The following VPS13C variants were observed in gnomAD, a reference collection of about 807,000 sequenced individuals.
VPS13C encodes intermembrane lipid transfer protein VPS13C.
A neutral mutation model predicts 456.8 loss-of-function variants in VPS13C; 358 were observed. The ratio of observed to expected loss-of-function variants is 0.78; its 90% CI spans 0.72 to 0.86. The LOEUF (loss-of-function observed/expected upper bound fraction) is 0.86, where lower values mean the gene tolerates loss of function less well. Among genes scored for constraint, VPS13C ranks in the 40% least tolerant of loss-of-function variants. VPS13C has a pLI of 0.00. For missense variants in VPS13C, 4,818 were observed against 4,385.4 expected (o/e 1.10, Z -2.79); for synonymous variants, 1,578 against 1,486.7 (o/e 1.06, Z -1.41).
At chr15:61,875,909 T>G (rs1895388494) in intron 75 of VPS13C, 64 bp from the exon 76 acceptor site, 1 of 1,131,274 alleles carries the variant, frequency 8.8e-7, no homozygotes, top group Non-Finnish European at 1.2e-6. Flanking sequence ...CATAATGAAA[T>G]AGAAAAAAAG....
chr15:61,993,022 T>C (rs911346740), intron 16 of VPS13C, among the ~76,000 whole-genome samples: 20 of 152,114 alleles, frequency 1.3e-4, no homozygotes, highest in Admixed American at 6.6e-5. Context: ...AAAACCGAGC[T>C]TTTTTGGAAA....
At chr15:61,882,405 A>C (rs1484369677) in intron 69 of VPS13C, among the ~76,000 whole-genome samples, 191 bp downstream of exon 69, 1 of 152,168 alleles carries the variant, frequency 6.6e-6, no homozygotes, top group Admixed American at 6.6e-5. Context: ...ATCGATCAAA[A>C]TTAGTCTTAA....
chr15:62,052,212 T>C (rs2048644460), intron 1 of VPS13C, among the ~76,000 whole-genome samples: 1 of 152,246 alleles, frequency 6.6e-6, no homozygotes, highest in South Asian at 2.1e-4. Flanking sequence ...GCTTTGTATT[T>C]ATTTTTTAAG....
At chr15:62,028,200 A>G (rs1331067457) in intron 6 of VPS13C, among the ~76,000 whole-genome samples, 158 bp downstream of exon 6, 2 of 152,096 alleles carry the variant, frequency 1.3e-5, no homozygotes, top group Non-Finnish European at 2.9e-5. Flanking sequence ...AAACGACTAC[A>G]GGTAAGGAAA....
At position 61,917,639 on chromosome 15, in the gene VPS13C, C is replaced by A. The variant is rs1473832984; in HGVS notation, c.7761-4G>T. On this transcript the variant is annotated splice_region_variant and splice_polypyrimidine_tract_variant and intron_variant, in intron 59 of 84. Coordinates refer to ENST00000644861, the MANE Select transcript of VPS13C (RefSeq NM_020821.3). ...TGGCTGGATAAACAATTGACATCTG[C>A]AGAAAGAGGAAACAGTGACAATAAA... 1 of 1,605,890 alleles carries A rather than the reference C, an allele frequency of 6.2e-7. No homozygotes were observed. Among genetic ancestry groups the A allele is most frequent in the African/African-American group, 1.3e-5 (1 of 74,628 alleles).
intron 3 of VPS13C, among the ~76,000 whole-genome samples, chr15:62,036,559 C>G (rs2048006480): frequency 6.6e-6 from 1 of 152,018 alleles, no homozygotes; most frequent in Admixed American, 6.6e-5. Context: ...TGGGTCATTT[C>G]TAAGTCCAGT....
chr15:61,871,373 G>T (rs1319599436), intron 79 of VPS13C, among the ~76,000 whole-genome samples: 3 of 152,044 alleles, frequency 2.0e-5, no homozygotes, highest in African/African-American at 7.2e-5. Context: ...GAATTATCTT[G>T]ACATCCTTGT....
In VPS13C at chr15:61,960,524, T is replaced by C. The variant is rs573620203; in HGVS notation, c.3909-929A>G. ...ATATTAAATTTCTAGAATTATATCA[T>C]AGTTAATATAAGAGAATGAATGTCC... On this transcript the variant is annotated intron_variant, in intron 35 of 84. Coordinates refer to ENST00000644861, the MANE Select transcript of VPS13C (RefSeq NM_020821.3). Among the ~76,000 whole-genome samples the C allele has an allele frequency of 2.6e-5, 4 of 152,288 alleles. No homozygotes were observed. In the South Asian group the frequency reaches 6.2e-4, roughly 24 times the overall value.
At chr15:62,028,579 A>G (rs548760569) in intron 5 of VPS13C, among the ~76,000 whole-genome samples, 159 bp from the exon 6 acceptor site, 1 of 152,252 alleles carries the variant, frequency 6.6e-6, no homozygotes, top group East Asian at 1.9e-4. Context: ...ATTTCTGAGG[A>G]AATATTCACA....
chr15:62,000,948 T>C (rs1334636600), intron 15 of VPS13C, among the ~76,000 whole-genome samples: 3 of 152,324 alleles, frequency 2.0e-5, no homozygotes, highest in African/African-American at 4.8e-5. Flanking sequence ...ACATTTATCA[T>C]CCTTATGATT....
At chr15:62,008,633 C>CA in intron 14 of VPS13C, 22 bp downstream of exon 14, 2 of 1,553,390 alleles carry the variant, frequency 1.3e-6, no homozygotes, top group South Asian at 1.2e-5. Flanking sequence ...CCTCACAAAA[C>CA]AAAAAACAAA....
Position 61,867,070 on chromosome 15 carries a change from G to C in VPS13C, c.10863+1589C>G. ...ATGATTATAATTATTTTTTCTCTAA[G>C]ATAATAAACCCTCTCTAAGGATTTA... is the stretch of plus-strand genomic sequence containing the variant. On this transcript the variant is annotated intron_variant, in intron 81 of 84. Coordinates refer to ENST00000644861, the MANE Select transcript of VPS13C (RefSeq NM_020821.3). This position sits in a 1 kb window ranked among gnomAD's most constrained non-coding sequence, Gnocchi z 5.0. 1.1e-6 allele frequency: 1 copy of C among 928,414 alleles called. No individual in the cohort carries two copies. Among genetic ancestry groups the C allele is most frequent in the Non-Finnish European group, 1.3e-6 (1 of 777,974 alleles). 57.5% of individuals were successfully genotyped at this position (928,414 alleles called of 1,614,324 possible). A position where few individuals can be genotyped will look rare whatever the true frequency, so the allele number is the denominator to read the frequency against.
intron 1 of VPS13C, among the ~76,000 whole-genome samples, chr15:62,047,899 G>A (rs1289858178): frequency 8.6e-5 from 13 of 152,038 alleles, no homozygotes; most frequent in African/African-American, 1.7e-4. Flanking sequence ...ACTGAATACC[G>A]ATAAAAAAGA....
intron 38 of VPS13C, among the ~76,000 whole-genome samples, chr15:61,953,436 G>A (rs561315039): frequency 1.8e-4 from 23 of 128,266 alleles, no homozygotes; most frequent in Admixed American, 6.2e-4. Context: ...TCCCCTTCCT[G>A]TGTCCATGTG....
At chr15:62,010,760 T>C (rs190658316) in intron 12 of VPS13C, among the ~76,000 whole-genome samples, 161 bp from the exon 13 acceptor site, 52 of 152,334 alleles carry the variant, frequency 3.4e-4, no homozygotes, top group Admixed American at 2.9e-3. Context: ...TTTAAGCTTC[T>C]ACTTATATGC....
rs924717523 is a variant in VPS13C at position 61,854,248 on chromosome 15, G to A, written c.*209C>T. 16 of 583,236 alleles carry A rather than the reference G, an allele frequency of 2.7e-5. No individual in the cohort carries two copies. The highest frequency in any genetic ancestry group is 6.5e-5 in the South Asian group (3 of 46,260). 36.1% of individuals were successfully genotyped at this position (583,236 alleles called of 1,614,324 possible). ...GGGTCTGACCCATTTGGGTGGTGGC[G>A]TAGAAGTGGACTGCTAGCATATACA... On this transcript the variant is annotated 3_prime_UTR_variant, in exon 85 of 85. Coordinates refer to ENST00000644861, the MANE Select transcript of VPS13C (RefSeq NM_020821.3).
Position 61,867,978 on chromosome 15 carries a change from GT to G in VPS13C, c.10863+680del. ...CAGGCAGAAAAACAAAGAAAATAAA[GT>G]TAGAAGCATGCAGAAAGATAGATAA... On this transcript the variant is annotated intron_variant, in intron 81 of 84. Coordinates refer to ENST00000644861, the MANE Select transcript of VPS13C (RefSeq NM_020821.3). This position sits in a 1 kb window ranked among gnomAD's most constrained non-coding sequence, Gnocchi z 5.0. The G allele has an allele frequency of 7.0e-7, 1 of 1,431,036 alleles. No homozygotes were observed. Among genetic ancestry groups the G allele is most frequent in the Non-Finnish European group, 9.8e-7 (1 of 1,017,252 alleles). 88.6% of individuals were successfully genotyped at this position (1,431,036 alleles called of 1,614,324 possible). A position where few individuals can be genotyped will look rare whatever the true frequency, so the allele number is the denominator to read the frequency against.
rs766971970 is a variant in VPS13C, at chr15:61,894,519, C to T, written c.9106-4119G>A. On this transcript the variant is annotated intron_variant, in intron 66 of 84. Coordinates refer to ENST00000644861, the MANE Select transcript of VPS13C (RefSeq NM_020821.3). ...ACTACAAAGGCATACATAGGGTGAA[C>T]GTGAAGGGATAGAAGAAGATATTCC... 1.0e-4 allele frequency among the ~76,000 whole-genome samples: 15 copies of T among 149,578 alleles called. No individual in the cohort carries two copies. The South Asian group carries it at 1.3e-3, about 13-fold the overall frequency.
rs748429074 is a variant in VPS13C at position 62,008,693 on chromosome 15, G to C, written c.1080C>G (p.Tyr360Ter). The change falls in exon 14 of 85, where the codon TAC becomes TAG. Residue 360 changes from tyrosine (Y) to a stop codon, truncating the protein, a stop_gained. Coordinates refer to ENST00000644861, the MANE Select transcript of VPS13C (RefSeq NM_020821.3). LOFTEE classifies it high-confidence loss of function. ...YMVRNAPYRK[Y>*]KPYLPLHTNG... ...TGGTATGAAGTGGTAAATAAGGCTT[G>C]TATTTCCTATAAGGCGCATTCCTAA... is the stretch of plus-strand genomic sequence containing the variant. 1 of 1,607,834 alleles carries C rather than the reference G, an allele frequency of 6.2e-7. No homozygotes were observed. The highest frequency in any genetic ancestry group is 1.1e-5 in the South Asian group (1 of 89,992).
Sources: allele counts gnomAD v4.1 joint callset (sites outside exome capture counted in the v4.1 genomes callset), GRCh38; gene constraint gnomAD v4.1.1; non-coding constraint Gnocchi (gnomAD v3.1); transcripts MANE v1.5; gene names NCBI Gene and HGNC (gene_info 2026-07-23, HGNC 2026-07-21).